Variants in SYCP2 observed in about 807,000 individuals in gnomAD.
SYCP2 encodes synaptonemal complex protein 2.
A neutral mutation model predicts 211.3 loss-of-function variants in SYCP2; 55 were observed. The observed-to-expected ratio is 0.26, with a 90% CI of 0.21 to 0.33. The LOEUF is 0.33. Among genes scored for constraint, SYCP2 ranks in the 10% least tolerant of loss-of-function variants. The pLI is 1.00. For synonymous variants in SYCP2, 570 were observed against 555.2 expected (o/e 1.03, Z -0.37); for missense variants, 1,731 against 1,752.0 (o/e 0.99, Z 0.21).
chr20:59,916,312 T>C (rs1055555565), intron 8 of SYCP2, among the ~76,000 whole-genome samples, 174 bp downstream of exon 8: 2 of 152,190 alleles, frequency 1.3e-5, no homozygotes, highest in Admixed American at 6.5e-5. Flanking sequence ...TAAACCCATA[T>C]GGTTATAAAT....
intron 26 of SYCP2, among the ~76,000 whole-genome samples, chr20:59,885,656 GCGCGCA>G (rs1256612535): frequency 6.9e-6 from 1 of 145,622 alleles, no homozygotes; most frequent in Non-Finnish European, 1.6e-5. Flanking sequence ...ACACACACAC[GCGCGCA>G]CGCGCGATAA....
intron 24 of SYCP2, among the ~76,000 whole-genome samples, chr20:59,889,258 T>TTTGGTAG (rs2059857250): frequency 6.6e-6 from 1 of 151,772 alleles, no homozygotes; most frequent in Non-Finnish European, 1.5e-5. Flanking sequence ...TATGTATCAA[T>TTTGGTAG]AATGACTCAT....
In SYCP2 at chr20:59,915,378, A is replaced by T. The variant is rs563422587; in HGVS notation, c.599+87T>A. On this transcript the variant is annotated intron_variant, in intron 9 of 44. Transcript: ENST00000357552. ...AAAGCTGCAACAGTTTATCAGTTTC[A>T]TTATTAATGCAAACTCATAGTTGTC... 45 of 1,051,154 alleles carry T rather than the reference A, an allele frequency of 4.3e-5. No homozygotes were observed. In the African/African-American group the frequency reaches 6.7e-4, roughly 16 times the overall value. The allele number at this position is 1,051,154 out of a possible 1,614,324, so 65.1% of individuals were successfully genotyped here.
At chr20:59,930,700 GAATA>G (rs1292322569) in intron 2 of SYCP2, among the ~76,000 whole-genome samples, 9 of 151,822 alleles carry the variant, frequency 5.9e-5, no homozygotes, top group African/African-American at 1.9e-4. Flanking sequence ...CTAAAATAGT[GAATA>G]AATGTATTGT....
intron 2 of SYCP2, among the ~76,000 whole-genome samples, chr20:59,922,782 T>C (rs185734814): frequency 2.0e-5 from 3 of 151,800 alleles, no homozygotes; most frequent in Non-Finnish European, 4.4e-5. Flanking sequence ...GCTATACTTG[T>C]TCCACCTCTG....
rs1209268939 is a variant in SYCP2, at chr20:59,882,175, G to A, written c.2530-10C>T. 1.2e-6 allele frequency: 2 copies of A among 1,600,294 alleles called. No individual in the cohort carries two copies. Among genetic ancestry groups the A allele is most frequent in the East Asian group, 4.5e-5 (2 of 44,526 alleles). On this transcript the variant is annotated splice_polypyrimidine_tract_variant and intron_variant, in intron 26 of 44. Transcript: ENST00000357552. ...TTTTCTGAACTTTTTCCTGAAAAGA[G>A]GGTTATAAAAAAATCATTAAATGGC...
At chr20:59,912,258 A>T (rs2060345807) in intron 13 of SYCP2, 115 bp downstream of exon 13, 1 of 543,398 alleles carries the variant, frequency 1.8e-6, no homozygotes, top group Non-Finnish European at 3.3e-6. Flanking sequence ...GACCAGCTAC[A>T]TTCATGATCT....
chr20:59,915,329 T>C (rs1023972915), intron 9 of SYCP2, 130 bp from the exon 10 acceptor site: 1 of 973,406 alleles, frequency 1.0e-6, no homozygotes, highest in Non-Finnish European at 1.6e-6. Context: ...GCAGAAATTA[T>C]ATGCATACAC....
rs1011784246 is a variant in SYCP2, at chr20:59,897,886, C to T, written c.1405-1358G>A. On this transcript the variant is annotated intron_variant, in intron 18 of 44. Coordinates refer to ENST00000357552, the MANE Select transcript of SYCP2 (RefSeq NM_014258.4). The stretch of plus-strand genomic sequence containing the variant: ...ATCACCTGAGGTCAGGAGTTCGAGA[C>T]CAGCCTGGCTAACAAGGAAACCCTG... 2.6e-5 allele frequency among the ~76,000 whole-genome samples: 4 copies of T among 152,028 alleles called. 1 individual carries two copies. Among genetic ancestry groups the T allele is most frequent in the Admixed American group, 2.6e-4 (4 of 15,246 alleles).
chr20:59,900,235 C>G lies in SYCP2; in HGVS notation c.1307G>C (p.Ser436Thr). The change falls in exon 18 of 45, where the codon AGT becomes ACT. Residue 436 changes from serine to threonine, a missense_variant. This residue lies in a region of SYCP2 where 1,387 missense variants were observed against 1,351.3 expected (regional missense o/e 1.03). Transcript: ENST00000357552. ...TGGGGACTTTGATTTTTCCTTTAAA[C>G]TAACGAGCTCTTCTCCGACTGGTGA... ...QISPVGEELV[S>T]LKEKSKSPKE... 1 of 1,612,608 alleles carries G rather than the reference C, an allele frequency of 6.2e-7. No homozygotes were observed. The highest frequency in any genetic ancestry group is 1.1e-5 in the South Asian group (1 of 90,976).
intron 44 of SYCP2, 114 bp downstream of exon 44, chr20:59,865,274 C>A: frequency 1.2e-6 from 1 of 805,374 alleles, no homozygotes; most frequent in South Asian, 1.8e-5. Flanking sequence ...TGGGCTAAAA[C>A]TATTTTCTCT....
intron 15 of SYCP2, 61 bp from the exon 16 acceptor site, chr20:59,901,871 T>C (rs1485953766): frequency 6.2e-6 from 8 of 1,280,438 alleles, no homozygotes; most frequent in Non-Finnish European, 8.4e-6. Flanking sequence ...AAGTATACTA[T>C]AAATAAGACA....
At chr20:59,898,063 T>C (rs1204487888) in intron 18 of SYCP2, among the ~76,000 whole-genome samples, 1 of 152,112 alleles carries the variant, frequency 6.6e-6, no homozygotes, top group Non-Finnish European at 1.5e-5. Context: ...GAGGTTGCAG[T>C]GAGCCGAGAT....
chr20:59,903,878 A>C (rs150295604), intron 15 of SYCP2, among the ~76,000 whole-genome samples: 14 of 152,292 alleles, frequency 9.2e-5, no homozygotes, highest in African/African-American at 3.4e-4. Flanking sequence ...TTCTGGGGAA[A>C]ATGTAGGATA....
chr20:59,896,638 T>A, intron 18 of SYCP2, 110 bp from the exon 19 acceptor site: 1 of 583,718 alleles, frequency 1.7e-6, no homozygotes, highest in Non-Finnish European at 3.0e-6. Flanking sequence ...GATATATGTT[T>A]TTTAAATAAA....
chr20:59,868,249 T>A (rs1028032917), intron 38 of SYCP2, among the ~76,000 whole-genome samples, 164 bp downstream of exon 38: 1 of 151,928 alleles, frequency 6.6e-6, no homozygotes, highest in South Asian at 2.1e-4. Flanking sequence ...AGACCCTTAC[T>A]ACAACAATTA....
intron 34 of SYCP2, 40 bp from the exon 35 acceptor site, chr20:59,874,101 C>T (rs13044902): frequency 1.6e-5 from 18 of 1,131,404 alleles, no homozygotes; most frequent in East Asian, 5.0e-5. Flanking sequence ...AGATGGCAAG[C>T]GTTATCATTG....
chr20:59,875,251 A>G lies in SYCP2; in HGVS notation c.3349+20T>C. The G allele has an allele frequency of 6.6e-7, 1 of 1,523,362 alleles. No homozygotes were observed. The highest frequency in any genetic ancestry group is 8.9e-7 in the Non-Finnish European group (1 of 1,123,630). 94.4% of individuals were successfully genotyped at this position (1,523,362 alleles called of 1,614,324 possible). A position where few individuals can be genotyped will look rare whatever the true frequency, so the allele number is the denominator to read the frequency against. Reference sequence around the variant, plus strand: ...AAACTATTGAATATTCAAGTAAAGAAAAAACAAAGTTATACTGACATCTCG... The same window carrying G: ...AAACTATTGAATATTCAAGTAAAGAGAAAACAAAGTTATACTGACATCTCG... On this transcript the variant is annotated intron_variant, in intron 34 of 44. Transcript: ENST00000357552.
intron 2 of SYCP2, among the ~76,000 whole-genome samples, chr20:59,925,398 G>T (rs17790926): frequency 0.019 from 2,820 of 152,062 alleles, 177 homozygotes; most frequent in East Asian, 0.14. Context: ...ATGAGCATAG[G>T]ATTTAACAAA....
Sources: allele counts gnomAD v4.1 joint callset (sites outside exome capture counted in the v4.1 genomes callset), GRCh38; gene constraint gnomAD v4.1.1; regional missense constraint gnomAD v4.1.1; transcripts MANE v1.5; gene names NCBI Gene and HGNC (gene_info 2026-07-23, HGNC 2026-07-21).